Variants in MAP2K4 observed in about 807,000 individuals in gnomAD.
MAP2K4 encodes the protein dual specificity mitogen-activated protein kinase kinase 4.
Under a neutral mutation model 48.5 loss-of-function variants are expected in MAP2K4, and 4 were observed. The observed-to-expected ratio is 0.08, with a 90% confidence interval of 0.04 to 0.19. The LOEUF (loss-of-function observed/expected upper bound fraction) is 0.19. Among genes scored for constraint, MAP2K4 ranks in the 10% least tolerant of loss-of-function variants. MAP2K4 has a pLI of 1.00. For missense variants in MAP2K4, 258 were observed against 493.3 expected, an observed-to-expected ratio of 0.52 and a Z score of 4.52; for synonymous variants, 166 against 173.1, an observed-to-expected ratio of 0.96 and a Z score of 0.32.
chr17:12,030,502 C>T (rs1969401088), intron 1 of MAP2K4, among the ~76,000 whole-genome samples: 1 of 152,160 alleles, frequency 6.6e-6, no homozygotes, highest in African/African-American at 2.4e-5. Context: ...GTACTGGTGA[C>T]AGAATTTCAG....
intron 4 of MAP2K4, among the ~76,000 whole-genome samples, chr17:12,102,825 T>G (rs986823071): frequency 1.3e-5 from 2 of 151,954 alleles, no homozygotes; most frequent in African/African-American, 4.8e-5. Context: ...ATTCATAATA[T>G]TTCTTTTTTA....
At chr17:12,124,502 TGG>T (rs1173120692) in intron 7 of MAP2K4, 1 of 152,210 alleles carries the variant, frequency 6.6e-6, no homozygotes, top group African/African-American at 2.4e-5. Flanking sequence ...TTGTGAAGTA[TGG>T]GTGGAATAAT....
intron 1 of MAP2K4, among the ~76,000 whole-genome samples, chr17:12,046,420 T>C (rs1969965995): frequency 6.6e-6 from 1 of 152,178 alleles, no homozygotes; most frequent in African/African-American, 2.4e-5. Context: ...AGTAGGGCCT[T>C]CTTTGATTAG....
chr17:12,037,713 C>T (rs576070852), intron 1 of MAP2K4, among the ~76,000 whole-genome samples: 1 of 152,090 alleles, frequency 6.6e-6, no homozygotes, highest in African/African-American at 2.4e-5. Context: ...ATATTTATTA[C>T]CATTTGTGGG....
chr17:12,137,242 G>A (rs924159579), intron 9 of MAP2K4, among the ~76,000 whole-genome samples: 2 of 152,178 alleles, frequency 1.3e-5, no homozygotes, highest in Non-Finnish European at 2.9e-5. Flanking sequence ...ATTTCAAAAT[G>A]AGTCTGCAAA....
At chr17:12,031,494 G>A (rs1171819476) in intron 1 of MAP2K4, among the ~76,000 whole-genome samples, 1 of 152,098 alleles carries the variant, frequency 6.6e-6, no homozygotes, top group East Asian at 1.9e-4. Flanking sequence ...CTAAACTAGG[G>A]GTGAAAGAAT....
chr17:12,075,622 G>C (rs995446668), intron 2 of MAP2K4, among the ~76,000 whole-genome samples: 9 of 152,288 alleles, frequency 5.9e-5, no homozygotes, highest in East Asian at 3.9e-4. Context: ...TTGTTCACCA[G>C]ATAGCTTAAG....
At chr17:12,025,274 T>A (rs1248599050) in intron 1 of MAP2K4, among the ~76,000 whole-genome samples, 1 of 152,204 alleles carries the variant, frequency 6.6e-6, no homozygotes, top group Non-Finnish European at 1.5e-5. Flanking sequence ...TCTCATCTGT[T>A]AAAATAGGGA....
At chr17:12,070,401 C>G (rs1010158555) in intron 2 of MAP2K4, among the ~76,000 whole-genome samples, 2 of 151,954 alleles carry the variant, frequency 1.3e-5, no homozygotes, top group Non-Finnish European at 1.5e-5. Flanking sequence ...TGAGAGAATC[C>G]TAGAAGGGTT....
chr17:12,107,931 T>A (rs1488595802), intron 5 of MAP2K4, 22 bp downstream of exon 5: 2 of 1,573,688 alleles, frequency 1.3e-6, no homozygotes, highest in South Asian at 1.2e-5. Context: ...GTCTTTAAAT[T>A]ATTCATTGTG....
At chr17:12,107,749 T>C (rs778919109) in intron 4 of MAP2K4, 41 bp from the exon 5 acceptor site, 2 of 1,516,930 alleles carry the variant, frequency 1.3e-6, no homozygotes, top group Non-Finnish European at 8.9e-7. Context: ...CAAGGTGATA[T>C]TTAAGATGTA....
At chr17:12,029,285 G>C (rs1969356328) in intron 1 of MAP2K4, among the ~76,000 whole-genome samples, 1 of 152,084 alleles carries the variant, frequency 6.6e-6, no homozygotes, top group African/African-American at 2.4e-5. Context: ...CTAGCATTCT[G>C]TCCTATGCAT....
At chr17:12,086,757 G>C (rs529139959) in intron 3 of MAP2K4, among the ~76,000 whole-genome samples, 1 of 152,256 alleles carries the variant, frequency 6.6e-6, no homozygotes, top group African/African-American at 2.4e-5. Context: ...ACCATCACTT[G>C]GTTAAACTGA....
chr17:12,024,945 T>C (rs1969209981), intron 1 of MAP2K4, among the ~76,000 whole-genome samples: 1 of 152,166 alleles, frequency 6.6e-6, no homozygotes, highest in Non-Finnish European at 1.5e-5. Flanking sequence ...ATCTTAGATA[T>C]GTATAGCAAA....
At chr17:12,109,843 A>G (rs1462867782) in intron 5 of MAP2K4, among the ~76,000 whole-genome samples, 1 of 152,132 alleles carries the variant, frequency 6.6e-6, no homozygotes, top group Non-Finnish European at 1.5e-5. Flanking sequence ...TGAACATTTT[A>G]GAGGCCAGGC....
At chr17:12,138,678 G>A (rs1230504767) in intron 9 of MAP2K4, among the ~76,000 whole-genome samples, 1 of 152,170 alleles carries the variant, frequency 6.6e-6, no homozygotes, top group Admixed American at 6.5e-5. Flanking sequence ...CAGGTTGGAT[G>A]CCTGGAAAGC....
At chr17:12,022,367 G>A (rs1200380984) in intron 1 of MAP2K4, among the ~76,000 whole-genome samples, 1 of 152,172 alleles carries the variant, frequency 6.6e-6, no homozygotes, top group Non-Finnish European at 1.5e-5. Flanking sequence ...AATTGAATTA[G>A]TTATTGGATG....
intron 2 of MAP2K4, among the ~76,000 whole-genome samples, chr17:12,057,813 G>C (rs1484899787): frequency 1.3e-5 from 2 of 152,110 alleles, no homozygotes; most frequent in African/African-American, 4.8e-5. Context: ...TCCAAGAGTT[G>C]ATTGTGGCAT....
intron 2 of MAP2K4, among the ~76,000 whole-genome samples, chr17:12,060,728 G>A (rs1388398848): frequency 6.7e-6 from 1 of 150,252 alleles, no homozygotes; most frequent in East Asian, 2.0e-4. Flanking sequence ...AATACTATGG[G>A]GTGTGTGTGT....
Sources: allele counts gnomAD v4.1 joint callset (sites outside exome capture counted in the v4.1 genomes callset), GRCh38; gene constraint gnomAD v4.1.1; transcripts MANE v1.5; gene names NCBI Gene and HGNC (gene_info 2026-07-23, HGNC 2026-07-21).